PRKN: variants seen among roughly 807,000 people sequenced by gnomAD.
PRKN encodes E3 ubiquitin-protein ligase parkin.
In PRKN, 56 loss-of-function variants were observed where a neutral mutation model predicts 59.5. The ratio of observed to expected loss-of-function variants is 0.94; its 90% CI spans 0.76 to 1.18. The LOEUF is 1.18. Among genes scored for constraint, PRKN ranks in the 50% most tolerant of loss-of-function variants. PRKN has a pLI of 0.00. For missense variants in PRKN, 657 were observed against 596.4 expected, an observed-to-expected ratio of 1.10 and a Z score of -1.06; for synonymous variants, 250 against 222.1, an observed-to-expected ratio of 1.13 and a Z score of -1.12.
At chr6:162,625,744 A>G (rs923945725) in intron 1 of PRKN, among the ~76,000 whole-genome samples, 1 of 152,102 alleles carries the variant, frequency 6.6e-6, no homozygotes, top group Non-Finnish European at 1.5e-5. Context: ...TTGCAAAAAC[A>G]TATCTAAAAC....
intron 1 of PRKN, among the ~76,000 whole-genome samples, chr6:162,573,740 C>T (rs1480927272): frequency 1.3e-5 from 2 of 152,096 alleles, no homozygotes; most frequent in African/African-American, 4.8e-5. Context: ...CTTATTTGTA[C>T]AAACGTGAAA....
chr6:161,620,535 T>C (rs1782859029), intron 7 of PRKN, among the ~76,000 whole-genome samples: 1 of 152,158 alleles, frequency 6.6e-6, no homozygotes, highest in African/African-American at 2.4e-5. Context: ...GAGGACAGAA[T>C]TCAGGGATAA....
intron 8 of PRKN, among the ~76,000 whole-genome samples, chr6:161,567,792 T>A (rs1372520532): frequency 1.3e-5 from 2 of 152,156 alleles, no homozygotes; most frequent in Non-Finnish European, 2.9e-5. Context: ...AAAACAAAAA[T>A]GGAAACACTG....
chr6:161,487,141 T>A lies in PRKN; in HGVS notation c.1083+61713A>T, dbSNP rs1457390020. The stretch of plus-strand genomic sequence containing the variant: ...CTAATGCTTATGAACCATTGCCTGA[T>A]AAACACTGTGCCCAGGACTGTATAT... On this transcript the variant is annotated intron_variant, in intron 9 of 11. Transcript: ENST00000366898. This position sits in a 1 kb window ranked among gnomAD's most constrained non-coding sequence, Gnocchi z 5.3. Among the ~76,000 whole-genome samples, 2 of 152,222 alleles carry A rather than the reference T, an allele frequency of 1.3e-5. No homozygotes were observed. The highest frequency in any genetic ancestry group is 2.4e-5 in the African/African-American group (1 of 41,458).
At chr6:162,714,249 T>A (rs2128239254) in intron 1 of PRKN, among the ~76,000 whole-genome samples, 1 of 152,246 alleles carries the variant, frequency 6.6e-6, no homozygotes, top group East Asian at 1.9e-4. Context: ...ACGTTCAAGT[T>A]TAAGCCAGTC....
chr6:162,208,311 C>T (rs1785046156), intron 3 of PRKN, among the ~76,000 whole-genome samples: 1 of 152,198 alleles, frequency 6.6e-6, no homozygotes, highest in Non-Finnish European at 1.5e-5. Flanking sequence ...CTTCCAATTA[C>T]ATAACCATCC....
intron 1 of PRKN, among the ~76,000 whole-genome samples, chr6:162,563,585 C>T (rs1779941090): frequency 6.6e-6 from 1 of 152,074 alleles, no homozygotes; most frequent in Non-Finnish European, 1.5e-5. Flanking sequence ...AAAATAAGTA[C>T]CCAACTCTTC....
intron 7 of PRKN, among the ~76,000 whole-genome samples, chr6:161,752,832 G>A (rs979314319): frequency 6.6e-6 from 1 of 152,154 alleles, no homozygotes; most frequent in African/African-American, 2.4e-5. Context: ...CTAGAGTGGT[G>A]GCCCAAAGAC....
At chr6:161,766,314 A>ATTTTTTTTTTTTTTTTTTTTTTTTTTTTT (rs758294050) in intron 7 of PRKN, among the ~76,000 whole-genome samples, 70 of 139,606 alleles carry the variant, frequency 5.0e-4, no homozygotes, top group African/African-American at 1.8e-3. Context: ...CATTGACCAC[A>ATTTTTTTTTTTTTTTTTTTTTTTTTTTTT]TTTTTTTTTT....
At chr6:161,465,243 G>T (rs1393540892) in intron 9 of PRKN, among the ~76,000 whole-genome samples, 3 of 152,126 alleles carry the variant, frequency 2.0e-5, no homozygotes, top group Non-Finnish European at 4.4e-5. Context: ...TTTCTGGCTT[G>T]CTTCTTTTGG....
At chr6:162,721,383 A>C (rs1192313807) in intron 1 of PRKN, among the ~76,000 whole-genome samples, 1 of 152,222 alleles carries the variant, frequency 6.6e-6, no homozygotes, top group African/African-American at 2.4e-5. Context: ...TCTTTCTAAA[A>C]TACAACCTGT....
At chr6:161,916,941 A>G (rs1778586211) in intron 6 of PRKN, among the ~76,000 whole-genome samples, 2 of 152,084 alleles carry the variant, frequency 1.3e-5, no homozygotes, top group African/African-American at 4.8e-5. Flanking sequence ...AGCTGGGACT[A>G]CAGGCGCCCG....
In PRKN at chr6:161,396,000, GGCTGTGTCGTGA is replaced by G. The variant is rs1456268046; in HGVS notation, c.1084-9135_1084-9124del. 1.3e-5 allele frequency among the ~76,000 whole-genome samples: 2 copies of G among 152,304 alleles called. No homozygotes were observed. Among genetic ancestry groups the G allele is most frequent in the African/African-American group, 4.8e-5 (2 of 41,558 alleles). On this transcript the variant is annotated intron_variant, in intron 9 of 11. Transcript: ENST00000366898. This position sits in a 1 kb window ranked among gnomAD's most constrained non-coding sequence, Gnocchi z 5.0. ...GGGAACGGCAGCTTCCCTCACTTGTGGCTGTGTCGTGAGCCTCAGCTTTGCAGACTTGGCTCT... is the reference window on the plus strand; with the variant it reads ...GGGAACGGCAGCTTCCCTCACTTGTGGCCTCAGCTTTGCAGACTTGGCTCT...
Position 161,499,133 on chromosome 6 carries a change from T to C in PRKN, c.1083+49721A>G, listed in dbSNP as rs78184932. Among the ~76,000 whole-genome samples, 14 of 15,204 alleles carry C rather than the reference T, an allele frequency of 9.2e-4. No homozygotes were observed. The highest frequency in any genetic ancestry group is 3.2e-3 in the East Asian group (2 of 634). 10.0% of individuals were successfully genotyped at this position (15,204 alleles called of 152,430 possible). On this transcript the variant is annotated intron_variant, in intron 9 of 11. Coordinates refer to ENST00000366898, the MANE Select transcript of PRKN (RefSeq NM_004562.3). This position sits in a 1 kb window ranked among gnomAD's most constrained non-coding sequence, Gnocchi z 4.2. ...GGGTCTGGACACACACACACACACA[T>C]TTTTTTTTTTTTTTTGGCTCACAGA...
chr6:162,260,317 A>G (rs534179638), intron 3 of PRKN, among the ~76,000 whole-genome samples: 1 of 152,290 alleles, frequency 6.6e-6, no homozygotes, highest in East Asian at 1.9e-4. Context: ...GCGCATCATC[A>G]TAGATCATAC....
chr6:161,407,296 T>C lies in PRKN; in HGVS notation c.1084-20419A>G, dbSNP rs917577822. On this transcript the variant is annotated intron_variant, in intron 9 of 11. Coordinates refer to ENST00000366898, the MANE Select transcript of PRKN (RefSeq NM_004562.3). The surrounding 1 kb of genome is among the most constrained non-coding windows in gnomAD (Gnocchi z 4.9). ...CACTGACTTGATAAATAAGAAACAA[T>C]ATTGCTTCTCATTTGGCAAAGCTGA... 2.0e-5 allele frequency among the ~76,000 whole-genome samples: 3 copies of C among 151,638 alleles called. No homozygotes were observed. Among genetic ancestry groups the C allele is most frequent in the African/African-American group, 7.3e-5 (3 of 41,188 alleles).
At chr6:162,631,985 T>TA (rs766901063) in intron 1 of PRKN, among the ~76,000 whole-genome samples, 11,284 of 117,114 alleles carry the variant, frequency 0.096, 592 homozygotes, top group East Asian at 0.32. Flanking sequence ...TATTAAAAAG[T>TA]AAAAAAAAAA....
intron 5 of PRKN, among the ~76,000 whole-genome samples, chr6:161,984,067 A>G (rs1781346158): frequency 1.3e-5 from 2 of 152,002 alleles, no homozygotes; most frequent in Admixed American, 6.6e-5. Flanking sequence ...CCAGGGGTGA[A>G]CAGGCAGCTC....
At chr6:162,327,379 G>A (rs1783341465) in intron 2 of PRKN, among the ~76,000 whole-genome samples, 1 of 152,110 alleles carries the variant, frequency 6.6e-6, no homozygotes, top group South Asian at 2.1e-4. Flanking sequence ...AAAAAGACAT[G>A]AGCAATCTGA....
Sources: gnomAD v4.1 joint callset for allele counts (sites outside exome capture counted in the v4.1 genomes callset) on GRCh38, gnomAD v4.1.1 for gene constraint, Gnocchi (gnomAD v3.1) non-coding constraint, MANE v1.5 for transcripts, NCBI Gene and HGNC (gene_info 2026-07-23, HGNC 2026-07-21) for gene names.